Variants in CCSER1 observed in about 807,000 individuals in gnomAD.
The protein encoded by CCSER1 is serine-rich coiled-coil domain-containing protein 1.
CCSER1 carries 41 observed loss-of-function variants against 82.0 expected under a neutral mutation model. That is an observed-to-expected ratio of 0.50 (90% confidence interval 0.39 to 0.65). The LOEUF (loss-of-function observed/expected upper bound fraction) is 0.65. Ranked by LOEUF, CCSER1 falls within the 30% of genes least tolerant of loss-of-function variation. The pLI, the probability that CCSER1 is intolerant of heterozygous loss-of-function variation, is 0.00. For missense variants in CCSER1, 1,119 were observed against 1,064.2 expected (o/e 1.05, Z -0.72); for synonymous variants, 414 against 383.9 (o/e 1.08, Z -0.92).
chr4:90,675,480 G>GCAACATACA (rs1341414536), intron 6 of CCSER1, among the ~76,000 whole-genome samples: 33 of 151,714 alleles, frequency 2.2e-4, no homozygotes, highest in African/African-American at 7.5e-4. Context: ...GGTATTTTTT[G>GCAACATACA]TATTTTAAGT....
chr4:91,565,257 A>G (rs767787542), intron 10 of CCSER1, among the ~76,000 whole-genome samples: 7 of 151,908 alleles, frequency 4.6e-5, no homozygotes, highest in African/African-American at 1.5e-4. Context: ...CCACTGGTCT[A>G]TGTGTCTGGT....
intron 7 of CCSER1, among the ~76,000 whole-genome samples, chr4:90,785,044 G>A (rs1475294082): frequency 6.6e-6 from 1 of 150,986 alleles, no homozygotes; most frequent in East Asian, 2.0e-4. Context: ...CTTATAAGTG[G>A]ATCTACACAG....
intron 10 of CCSER1, among the ~76,000 whole-genome samples, chr4:91,417,705 G>A (rs1051340321): frequency 6.6e-6 from 1 of 151,784 alleles, no homozygotes; most frequent in Non-Finnish European, 1.5e-5. Context: ...GGGTCAAGGG[G>A]AGAGAGAGCA....
chr4:91,551,660 C>A (rs915590009), intron 10 of CCSER1, among the ~76,000 whole-genome samples: 6 of 47,138 alleles, frequency 1.3e-4, no homozygotes, highest in East Asian at 8.4e-4. Context: ...AAAACAAACA[C>A]ACACACACAC....
Position 90,711,224 on chromosome 4 carries a change from T to G in CCSER1, c.1933-12690T>G, listed in dbSNP as rs542519324. On this transcript the variant is annotated intron_variant, in intron 6 of 10. Coordinates refer to ENST00000509176, the MANE Select transcript of CCSER1 (RefSeq NM_001145065.2). ...GAAATTGTGTATTAGCTTAAGAAGC[T>G]TTAGTGCTGATATGGTTGGGTTTTC... Among the ~76,000 whole-genome samples the G allele has an allele frequency of 2.6e-5, 4 of 152,302 alleles. No individual in the cohort carries two copies. The South Asian group carries it at 8.3e-4, about 32-fold the overall frequency.
intron 10 of CCSER1, among the ~76,000 whole-genome samples, chr4:91,173,964 T>TATATATATA (rs752550775): frequency 6.6e-6 from 1 of 152,148 alleles, no homozygotes; most frequent in African/African-American, 2.4e-5. Flanking sequence ...ATTGTAGTTT[T>TATATATATA]TATATATATA....
intron 10 of CCSER1, among the ~76,000 whole-genome samples, chr4:91,191,402 C>T (rs566385109): frequency 1.3e-5 from 2 of 152,262 alleles, no homozygotes; most frequent in East Asian, 1.9e-4. Context: ...GAATATTGAA[C>T]ATGTGTATAC....
chr4:90,210,248 T>C (rs1739702658), intron 1 of CCSER1, among the ~76,000 whole-genome samples: 1 of 152,184 alleles, frequency 6.6e-6, no homozygotes, highest in Admixed American at 6.5e-5. Flanking sequence ...CAGTTTACAC[T>C]GTTTAAAAGA....
intron 9 of CCSER1, among the ~76,000 whole-genome samples, chr4:90,965,552 T>C (rs981293649): frequency 5.3e-5 from 8 of 152,162 alleles, no homozygotes; most frequent in South Asian, 2.1e-4. Context: ...AGATAATCTT[T>C]GTTTAATTGT....
At position 90,165,204 on chromosome 4, in the gene CCSER1, T is replaced by C. The variant is rs531926157; in HGVS notation, c.-42+37373T>C. ...TTGTGCCAAATATTAAGTTTCACTATACACAATAGCTGGTGTTATGCCTGT... is the reference window on the plus strand; with the variant it reads ...TTGTGCCAAATATTAAGTTTCACTACACACAATAGCTGGTGTTATGCCTGT... On this transcript the variant is annotated intron_variant, in intron 1 of 10. Coordinates refer to ENST00000509176, the MANE Select transcript of CCSER1 (RefSeq NM_001145065.2). Among the ~76,000 whole-genome samples the C allele has an allele frequency of 2.6e-5, 4 of 152,226 alleles. No homozygotes were observed. In the South Asian group the frequency reaches 6.2e-4, roughly 24 times the overall value.
chr4:90,509,338 A>C (rs1771152152), intron 5 of CCSER1, among the ~76,000 whole-genome samples: 1 of 152,124 alleles, frequency 6.6e-6, no homozygotes, highest in Admixed American at 6.5e-5. Context: ...TGTCTACAGC[A>C]CCTGGGAAGT....
chr4:90,784,383 A>T (rs1004042100), intron 7 of CCSER1, among the ~76,000 whole-genome samples: 1 of 152,220 alleles, frequency 6.6e-6, no homozygotes, highest in Admixed American at 6.5e-5. Flanking sequence ...CTGATTTTAT[A>T]TATTTTGGTA....
intron 1 of CCSER1, among the ~76,000 whole-genome samples, chr4:90,244,224 G>A (rs1721014461): frequency 6.6e-6 from 1 of 152,178 alleles, no homozygotes; most frequent in Non-Finnish European, 1.5e-5. Flanking sequence ...TTATGAGATA[G>A]AGTTTTGCTA....
At chr4:90,336,715 G>A (rs772492348) in intron 3 of CCSER1, among the ~76,000 whole-genome samples, 1 of 152,284 alleles carries the variant, frequency 6.6e-6, no homozygotes, top group South Asian at 2.1e-4. Flanking sequence ...TGTCAAGAAA[G>A]TAGCAATCCT....
chr4:90,959,135 C>G (rs1733808128), intron 9 of CCSER1, among the ~76,000 whole-genome samples: 1 of 152,104 alleles, frequency 6.6e-6, no homozygotes, highest in Non-Finnish European at 1.5e-5. Context: ...ATTTGCATCT[C>G]TGCTGTAAAT....
chr4:90,212,930 G>A (rs1422090528), intron 1 of CCSER1, among the ~76,000 whole-genome samples: 1 of 152,198 alleles, frequency 6.6e-6, no homozygotes, highest in East Asian at 1.9e-4. Flanking sequence ...CAGGAGAACA[G>A]TGTTGTAGCA....
intron 10 of CCSER1, among the ~76,000 whole-genome samples, chr4:91,379,443 C>A (rs1055877020): frequency 2.4e-4 from 36 of 152,198 alleles, no homozygotes; most frequent in African/African-American, 8.2e-4. Flanking sequence ...TGTTATTGGT[C>A]TATTCAGGGA....
intron 5 of CCSER1, among the ~76,000 whole-genome samples, chr4:90,518,360 T>C (rs1279372974): frequency 6.6e-6 from 1 of 152,092 alleles, no homozygotes; most frequent in Non-Finnish European, 1.5e-5. Context: ...AAATGTACAG[T>C]TGAAAACAAG....
chr4:91,476,707 C>T (rs1049045178), intron 10 of CCSER1, among the ~76,000 whole-genome samples: 1 of 150,442 alleles, frequency 6.6e-6, no homozygotes, highest in Non-Finnish European at 1.5e-5. Flanking sequence ...CAAAAAAAAC[C>T]CCATAGACAA....
Sources: gnomAD v4.1 joint callset for allele counts (sites outside exome capture counted in the v4.1 genomes callset) on GRCh38, gnomAD v4.1.1 for gene constraint, MANE v1.5 for transcripts, NCBI Gene and HGNC (gene_info 2026-07-23, HGNC 2026-07-21) for gene names.